Variants in MGAT5 observed in about 807,000 individuals in gnomAD.
The protein encoded by MGAT5 is alpha-1,6-mannosylglycoprotein 6-beta-N-acetylglucosaminyltransferase, also known as alpha-1,6-mannosylglycoprotein 6-beta-N-acetylglucosaminyltransferase A.
Under a neutral mutation model 94.3 loss-of-function variants are expected in MGAT5, and 30 were observed. The ratio of observed to expected loss-of-function variants is 0.32; its 90% confidence interval spans 0.24 to 0.43. The LOEUF (loss-of-function observed/expected upper bound fraction) is 0.43. MGAT5 is among the 20% of genes least tolerant of loss of function. The pLI is 1.00. For missense variants in MGAT5, 691 were observed against 905.5 expected (o/e 0.76, Z 3.04); for synonymous variants, 310 against 322.9 (o/e 0.96, Z 0.43).
intron 1 of MGAT5, among the ~76,000 whole-genome samples, chr2:134,147,098 CTTT>C (rs1686955449): frequency 6.9e-6 from 1 of 145,760 alleles, no homozygotes; most frequent in East Asian, 3.6e-4. Flanking sequence ...CTCTCGCTCT[CTTT>C]CTTTTTTCCT....
In MGAT5 at chr2:134,341,684, G is replaced by C; in HGVS notation, c.902G>C (p.Trp301Ser). 6.2e-7 allele frequency: 1 copy of C among 1,613,432 alleles called. No homozygotes were observed. Among genetic ancestry groups the C allele is most frequent in the Non-Finnish European group, 8.5e-7 (1 of 1,179,608 alleles). The change falls in exon 7 of 16, where the codon TGG becomes TCG. Residue 301 changes from tryptophan (W) to serine (S), a missense_variant. Coordinates refer to ENST00000281923, the MANE Select transcript of MGAT5 (RefSeq NM_002410.5). ...GGCCCTCTTGGTGAATTAGTTCAAT[G>C]GAGTGATTTAATTACATCTCTGTAC... ...SGGPLGELVQWSDLITSLYLL... is the reference protein window; with the variant it reads ...SGGPLGELVQSSDLITSLYLL...
rs369606087 is a variant in MGAT5 at position 134,318,435 on chromosome 2, G to A, written c.484-215G>A. On this transcript the variant is annotated intron_variant, in intron 3 of 15. Coordinates refer to ENST00000281923, the MANE Select transcript of MGAT5 (RefSeq NM_002410.5). ...TCTCCACTCTAAGCGCTTCTGCTGA[G>A]GCCTAACGTAAGCCAGTGTCTTCCT... Among the ~76,000 whole-genome samples, 5 of 152,246 alleles carry A rather than the reference G, an allele frequency of 3.3e-5. No homozygotes were observed. In the East Asian group the frequency reaches 9.7e-4, roughly 29 times the overall value.
chr2:134,189,592 G>GTTTTTTTTTTTTTTGTT, intron 1 of MGAT5, among the ~76,000 whole-genome samples: 1 of 56,316 alleles, frequency 1.8e-5, no homozygotes, highest in African/African-American at 6.2e-5. Flanking sequence ...CATGGCTCTA[G>GTTTTTTTTTTTTTTGTT]TTTTTTTTTG....
chr2:134,439,595 G>A (rs1260485063), intron 14 of MGAT5, among the ~76,000 whole-genome samples: 1 of 152,184 alleles, frequency 6.6e-6, no homozygotes, highest in Non-Finnish European at 1.5e-5. Context: ...TACTGAGGAA[G>A]CTGAGGCAGG....
In MGAT5 at chr2:134,194,362, C is replaced by T. The variant is rs1573837683; in HGVS notation, c.-142-59900C>T. 3.3e-5 allele frequency among the ~76,000 whole-genome samples: 5 copies of T among 151,742 alleles called. No individual in the cohort carries two copies. The South Asian group carries it at 1.0e-3, about 32-fold the overall frequency. ...ATATATTAGTTTGTGGGGGTGGGGG[C>T]AGAAAAAATGGTCCTTGTGGCTTTA... On this transcript the variant is annotated intron_variant, in intron 1 of 16. Coordinates refer to the MGAT5 transcript ENST00000409645.
intron 13 of MGAT5, among the ~76,000 whole-genome samples, chr2:134,423,225 A>G (rs1256609232): frequency 6.6e-6 from 1 of 152,266 alleles, no homozygotes; most frequent in Non-Finnish European, 1.5e-5. Context: ...TGTTGCTCTC[A>G]CAGAGATCTG....
chr2:134,241,984 T>G (rs765996983), intron 1 of MGAT5, among the ~76,000 whole-genome samples: 16 of 152,240 alleles, frequency 1.1e-4, no homozygotes, highest in Non-Finnish European at 2.4e-4. Flanking sequence ...CCAGAAACTT[T>G]TAACTATTGG....
At chr2:134,232,106 C>T (rs1431431969) in intron 1 of MGAT5, among the ~76,000 whole-genome samples, 1 of 152,176 alleles carries the variant, frequency 6.6e-6, no homozygotes, top group Non-Finnish European at 1.5e-5. Flanking sequence ...TCCTCGTCTT[C>T]CCTCATTCCT....
At chr2:134,370,981 G>A (rs1195966986) in intron 10 of MGAT5, among the ~76,000 whole-genome samples, 1 of 152,094 alleles carries the variant, frequency 6.6e-6, no homozygotes, top group Non-Finnish European at 1.5e-5. Context: ...ATGGGACCCG[G>A]GGGTAGCCTT....
intron 1 of MGAT5, among the ~76,000 whole-genome samples, chr2:134,226,997 A>G (rs1356156664): frequency 1.3e-5 from 2 of 151,412 alleles, no homozygotes; most frequent in Non-Finnish European, 2.9e-5. Context: ...AAAGGCCAGA[A>G]ACTCAGATTT....
chr2:134,208,142 C>CT (rs202005313), intron 1 of MGAT5, among the ~76,000 whole-genome samples: 2,051 of 145,136 alleles, frequency 0.014, 43 homozygotes, highest in African/African-American at 0.047. Flanking sequence ...CTTGGCCGAA[C>CT]TTTTTTTTTT....
At chr2:134,391,707 G>A (rs891342289) in intron 10 of MGAT5, among the ~76,000 whole-genome samples, 3 of 152,166 alleles carry the variant, frequency 2.0e-5, no homozygotes, top group Non-Finnish European at 4.4e-5. Context: ...GAATTTTGGG[G>A]GACACAGACA....
intron 2 of MGAT5, among the ~76,000 whole-genome samples, chr2:134,270,958 A>G (rs1272511533): frequency 6.6e-6 from 1 of 152,210 alleles, no homozygotes; most frequent in African/African-American, 2.4e-5. Flanking sequence ...TGTTGTTAAA[A>G]AAGAGCCACC....
rs1686186925 is a variant in MGAT5, at chr2:134,453,067, T to G, written c.*4220T>G. On this transcript the variant is annotated 3_prime_UTR_variant, in exon 16 of 16. Transcript: ENST00000281923. ...AGGATTCAGTGTTTAGCACAGTGCTTGGCACATAGTAAGCCCTAGTAAATG... is the reference window on the plus strand; with the variant it reads ...AGGATTCAGTGTTTAGCACAGTGCTGGGCACATAGTAAGCCCTAGTAAATG... The G allele has an allele frequency of 6.6e-6, 1 of 152,246 alleles. No homozygotes were observed. 9.4% of individuals were successfully genotyped at this position (152,246 alleles called of 1,614,324 possible). A position where few individuals can be genotyped will look rare whatever the true frequency, so the allele number is the denominator to read the frequency against.
In MGAT5 at chr2:134,307,086, T is replaced by G. The variant is rs978388803; in HGVS notation, c.407-10443T>G. ...CACAGATTTTTATAGCTTTGTAACTTTAGAGGCCGATGGGATGACGGCATT... is the reference window on the plus strand; with the variant it reads ...CACAGATTTTTATAGCTTTGTAACTGTAGAGGCCGATGGGATGACGGCATT... On this transcript the variant is annotated intron_variant, in intron 2 of 15. Coordinates refer to ENST00000281923, the MANE Select transcript of MGAT5 (RefSeq NM_002410.5). 3.8e-4 allele frequency among the ~76,000 whole-genome samples: 58 copies of G among 152,110 alleles called. 1 individual carries two copies. The highest frequency in any genetic ancestry group is 1.4e-3 in the African/African-American group (57 of 41,436).
At chr2:134,416,449 G>C (rs997986863) in intron 12 of MGAT5, among the ~76,000 whole-genome samples, 3 of 149,730 alleles carry the variant, frequency 2.0e-5, no homozygotes, top group African/African-American at 7.4e-5. Context: ...TCATGTTGTA[G>C]CCTGTTTCAG....
chr2:134,406,431 G>A (rs1683337311), intron 11 of MGAT5, among the ~76,000 whole-genome samples: 1 of 152,178 alleles, frequency 6.6e-6, no homozygotes, highest in Non-Finnish European at 1.5e-5. Context: ...CATCATGTCA[G>A]CTTATCAGCT....
intron 9 of MGAT5, among the ~76,000 whole-genome samples, chr2:134,356,769 C>A (rs541589643): frequency 5.9e-5 from 9 of 152,230 alleles, no homozygotes; most frequent in African/African-American, 1.7e-4. Context: ...TAGGCACACT[C>A]CCCCTCAGGA....
At chr2:134,201,824 T>TC (rs1679801660) in intron 1 of MGAT5, among the ~76,000 whole-genome samples, 1 of 118,680 alleles carries the variant, frequency 8.4e-6, no homozygotes, top group Non-Finnish European at 1.8e-5. Flanking sequence ...TGCTTTTTTT[T>TC]TTTTTTTTTT....
Sources: allele counts gnomAD v4.1 joint callset (sites outside exome capture counted in the v4.1 genomes callset), GRCh38; gene constraint gnomAD v4.1.1; transcripts MANE v1.5; gene names NCBI Gene and HGNC (gene_info 2026-07-23, HGNC 2026-07-21).